ZC3H12B: variants seen among roughly 807,000 people sequenced by gnomAD.
ZC3H12B encodes zinc finger CCCH-type containing 12B.
Under a neutral mutation model 43.9 loss-of-function variants are expected in ZC3H12B, and 7 were observed. That is an observed-to-expected ratio of 0.16 (90% CI 0.09 to 0.30). ZC3H12B has a LOEUF of 0.30. Among genes scored for constraint, ZC3H12B ranks in the 10% least tolerant of loss-of-function variants. The pLI is 1.00. For synonymous variants in ZC3H12B, 222 were observed against 241.7 expected, an observed-to-expected ratio of 0.92 and a Z score of 0.76; for missense variants, 475 against 670.2, an observed-to-expected ratio of 0.71 and a Z score of 3.22.
chrX:65,384,475 C>A (rs79893737), intron 2 of ZC3H12B, among the ~76,000 whole-genome samples: 2 of 110,508 alleles, frequency 1.8e-5, no homozygotes, highest in East Asian at 5.6e-4. Context: ...AACTAATCTG[C>A]ATATTGTGCA....
chrX:65,046,645 C>T, the ZC3H12B span, among the ~76,000 whole-genome samples: 1 of 111,942 alleles, frequency 8.9e-6, no homozygotes, highest in African/African-American at 3.2e-5. Flanking sequence ...GTCCAGTGAG[C>T]AGCATTTTAA....
the ZC3H12B span, among the ~76,000 whole-genome samples, chrX:65,205,180 T>G: frequency 9.0e-6 from 1 of 111,693 alleles, no homozygotes; most frequent in African/African-American, 3.2e-5. Flanking sequence ...GTATTTTGAC[T>G]TTTTTTTGTT....
chrX:65,059,280 C>T, the ZC3H12B span, among the ~76,000 whole-genome samples: 1 of 100,587 alleles, frequency 9.9e-6, no homozygotes, highest in Admixed American at 1.2e-4. Context: ...TGCGGTATTG[C>T]TCAAAAAATC....
chrX:65,234,556 C>G, the ZC3H12B span, among the ~76,000 whole-genome samples: 6 of 112,039 alleles, frequency 5.4e-5, no homozygotes, highest in Admixed American at 3.8e-4. Context: ...ATTTGGAAAG[C>G]AGGACGTCAA....
chrX:65,124,516 G>T, the ZC3H12B span, among the ~76,000 whole-genome samples: 1 of 110,387 alleles, frequency 9.1e-6, no homozygotes, highest in Admixed American at 9.7e-5. Context: ...ATTTAGGGAG[G>T]ATTCCCTCTT....
the ZC3H12B span, among the ~76,000 whole-genome samples, chrX:65,167,226 G>A: frequency 8.9e-6 from 1 of 111,757 alleles, no homozygotes; most frequent in Non-Finnish European, 1.9e-5. Context: ...TGTATAAGGT[G>A]TAAGGAAGGG....
the ZC3H12B span, among the ~76,000 whole-genome samples, chrX:65,164,248 G>A: frequency 1.8e-5 from 2 of 111,095 alleles, no homozygotes; most frequent in Non-Finnish European, 1.9e-5. Flanking sequence ...AAATCACAGG[G>A]GGTCAAAGAT....
chrX:65,231,787 T>G, the ZC3H12B span, among the ~76,000 whole-genome samples: 67 of 111,814 alleles, frequency 6.0e-4, no homozygotes, highest in African/African-American at 2.1e-3. Context: ...GTTCACTGAT[T>G]TCATATTGTT....
chrX:65,471,298 G>T (rs1395584742), intron 3 of ZC3H12B, among the ~76,000 whole-genome samples: 1 of 110,080 alleles, frequency 9.1e-6, no homozygotes, highest in African/African-American at 3.3e-5. Flanking sequence ...TTGCTTTAAA[G>T]TCTATTCTAT....
chrX:65,506,145 C>T (rs1196287797), exon 5 of ZC3H12B: 1 of 112,236 alleles, frequency 8.9e-6, no homozygotes, highest in Admixed American at 9.5e-5. Context: ...TAGACAAAAA[C>T]AATTTTTCAA....
the ZC3H12B span, among the ~76,000 whole-genome samples, chrX:65,039,662 A>G: frequency 9.0e-6 from 1 of 111,223 alleles, no homozygotes; most frequent in Non-Finnish European, 1.9e-5. Flanking sequence ...TATTTAGGAA[A>G]GATTTTCTGT....
At chrX:65,326,414 C>T in the ZC3H12B span, among the ~76,000 whole-genome samples, 1 of 110,974 alleles carries the variant, frequency 9.0e-6, no homozygotes, top group Non-Finnish European at 1.9e-5. Flanking sequence ...CACAGAAAGA[C>T]AAATCCTGCA....
chrX:65,253,205 A>G, the ZC3H12B span, among the ~76,000 whole-genome samples: 9 of 111,856 alleles, frequency 8.0e-5, no homozygotes, highest in Non-Finnish European at 1.5e-4. Context: ...TTGAGAATGG[A>G]GAGAGGGAGA....
chrX:65,280,185 C>T, the ZC3H12B span, among the ~76,000 whole-genome samples: 2 of 112,198 alleles, frequency 1.8e-5, no homozygotes, highest in Non-Finnish European at 3.8e-5. Flanking sequence ...TTCAACCACA[C>T]ATTGGAGATT....
the ZC3H12B span, among the ~76,000 whole-genome samples, chrX:65,064,579 T>G: frequency 9.0e-6 from 1 of 111,677 alleles, no homozygotes; most frequent in Non-Finnish European, 1.9e-5. Flanking sequence ...AATCATGTGG[T>G]CAGTTTTTGA....
At chrX:65,154,584 A>T in the ZC3H12B span, among the ~76,000 whole-genome samples, 1 of 112,413 alleles carries the variant, frequency 8.9e-6, no homozygotes, top group Admixed American at 9.5e-5. Flanking sequence ...AGATTTCACC[A>T]TTGGCCGTGT....
chrX:65,433,486 G>C (rs1268611332), intron 3 of ZC3H12B, among the ~76,000 whole-genome samples: 1 of 111,781 alleles, frequency 8.9e-6, no homozygotes, highest in Non-Finnish European at 1.9e-5. Context: ...GTCTATTCCA[G>C]TTATGCATTC....
the ZC3H12B span, among the ~76,000 whole-genome samples, chrX:65,198,529 G>T: frequency 8.9e-6 from 1 of 111,742 alleles, no homozygotes; most frequent in Admixed American, 9.5e-5. Flanking sequence ...TGAGATAAAA[G>T]TTTTTTTCGA....
chrX:65,143,240 A>G, the ZC3H12B span, among the ~76,000 whole-genome samples: 1 of 110,785 alleles, frequency 9.0e-6, no homozygotes, highest in Non-Finnish European at 1.9e-5. Flanking sequence ...GTATATTCTT[A>G]AGGTTTTTTT....
Sources: allele counts gnomAD v4.1 joint callset (sites outside exome capture counted in the v4.1 genomes callset), GRCh38; gene constraint gnomAD v4.1.1; transcripts MANE v1.5; gene names NCBI Gene and HGNC (gene_info 2026-07-23, HGNC 2026-07-21).